The following KCNT2 variants were observed in gnomAD, a reference collection of about 807,000 sequenced individuals.
KCNT2 encodes the protein potassium sodium-activated channel subfamily T member 2.
A neutral mutation model predicts 153.8 loss-of-function variants in KCNT2; 67 were observed. That is an observed-to-expected ratio of 0.44 (90% CI 0.36 to 0.53). KCNT2 has a LOEUF of 0.53. Among genes scored for constraint, KCNT2 ranks in the 20% least tolerant of loss-of-function variants. The probability of loss-of-function intolerance (pLI) is 0.00; values close to 1 mark genes in which losing one functional copy is unlikely to be tolerated. For synonymous variants in KCNT2, 500 were observed against 458.8 expected, an observed-to-expected ratio of 1.09 and a Z score of -1.15; for missense variants, 975 against 1,354.8, an observed-to-expected ratio of 0.72 and a Z score of 4.40.
intron 13 of KCNT2, among the ~76,000 whole-genome samples, chr1:196,383,900 G>A (rs986870111): frequency 2.0e-5 from 3 of 152,112 alleles, no homozygotes; most frequent in African/African-American, 7.2e-5. Flanking sequence ...TCTTTGGCCA[G>A]CTATACCTTG....
chr1:196,449,461 T>A (rs76846471), intron 8 of KCNT2, among the ~76,000 whole-genome samples: 3,121 of 151,762 alleles, frequency 0.021, 103 homozygotes, highest in African/African-American at 0.071. Flanking sequence ...ATACTCTATA[T>A]AATATTTGCA....
chr1:196,589,554 A>G (rs765491113), intron 1 of KCNT2, among the ~76,000 whole-genome samples: 2 of 152,076 alleles, frequency 1.3e-5, no homozygotes, highest in Non-Finnish European at 2.9e-5. Context: ...AGTTTACCAA[A>G]CCAAAAACCA....
intron 1 of KCNT2, among the ~76,000 whole-genome samples, chr1:196,561,351 T>C (rs532102827): frequency 2.6e-5 from 4 of 151,526 alleles, no homozygotes; most frequent in African/African-American, 9.7e-5. Flanking sequence ...TCCTAACTAA[T>C]AAAGGGTTCA....
rs115796493 is a variant in KCNT2 at position 196,361,628 on chromosome 1, G to A, written c.1403+11512C>T. Among the ~76,000 whole-genome samples the A allele has an allele frequency of 3.6e-3, 548 of 152,132 alleles. 3 individuals are homozygous for A. Among genetic ancestry groups the A allele is most frequent in the African/African-American group, 0.012 (511 of 41,514 alleles). On this transcript the variant is annotated intron_variant, in intron 14 of 27. Transcript: ENST00000294725. ...ATGAGTCATGGACCCATTGATAAAGGGCGCTTCCCCACTTTGCTGCAGTCA... is the reference window on the plus strand; with the variant it reads ...ATGAGTCATGGACCCATTGATAAAGAGCGCTTCCCCACTTTGCTGCAGTCA...
chr1:196,293,958 TA>T (rs1660441139), intron 22 of KCNT2, among the ~76,000 whole-genome samples: 1 of 150,764 alleles, frequency 6.6e-6, no homozygotes, highest in East Asian at 1.9e-4. Flanking sequence ...ATACATTTGA[TA>T]GGGGGCTCAT....
intron 1 of KCNT2, among the ~76,000 whole-genome samples, chr1:196,571,325 C>G (rs1211494625): frequency 2.0e-5 from 3 of 152,070 alleles, no homozygotes; most frequent in Non-Finnish European, 2.9e-5. Flanking sequence ...ATTCCCCAAA[C>G]TTTTCTGTGC....
chr1:196,566,397 T>C (rs1204665716), intron 1 of KCNT2, among the ~76,000 whole-genome samples: 1 of 152,022 alleles, frequency 6.6e-6, no homozygotes, highest in Non-Finnish European at 1.5e-5. Flanking sequence ...TTTTCAGTCA[T>C]GAAGAAGGAA....
At chr1:196,292,768 C>A (rs1331427081) in intron 22 of KCNT2, among the ~76,000 whole-genome samples, 1 of 137,468 alleles carries the variant, frequency 7.3e-6, no homozygotes, top group Non-Finnish European at 1.5e-5. Context: ...GTGGAGATTG[C>A]GCCACTGCAC....
intron 1 of KCNT2, among the ~76,000 whole-genome samples, chr1:196,571,024 A>G (rs1321621300): frequency 6.6e-6 from 1 of 152,082 alleles, no homozygotes; most frequent in African/African-American, 2.4e-5. Flanking sequence ...TACCTATATT[A>G]GTTCATCTTC....
chr1:196,540,929 G>C (rs1322275947), intron 1 of KCNT2, among the ~76,000 whole-genome samples: 1 of 151,918 alleles, frequency 6.6e-6, no homozygotes, highest in East Asian at 1.9e-4. Context: ...AGCCAGGCGT[G>C]GTGGCGGGCG....
intron 27 of KCNT2, among the ~76,000 whole-genome samples, chr1:196,235,416 A>G (rs1210820893): frequency 6.6e-6 from 1 of 151,490 alleles, no homozygotes; most frequent in African/African-American, 2.4e-5. Flanking sequence ...TATTAGTGAC[A>G]AAGTGCTATT....
intron 26 of KCNT2, among the ~76,000 whole-genome samples, chr1:196,255,129 G>A (rs758796072): frequency 2.6e-5 from 4 of 151,536 alleles, no homozygotes; most frequent in Admixed American, 1.3e-4. Context: ...GTTCGTGAGC[G>A]TGAGAGTCAG....
At chr1:196,539,326 C>T (rs1225366269) in intron 1 of KCNT2, among the ~76,000 whole-genome samples, 5 of 152,124 alleles carry the variant, frequency 3.3e-5, no homozygotes, top group Admixed American at 3.3e-4. Context: ...GCTGGGAATA[C>T]AGTGCCCTCA....
At chr1:196,374,023 A>G (rs1668743958) in intron 13 of KCNT2, among the ~76,000 whole-genome samples, 1 of 152,036 alleles carries the variant, frequency 6.6e-6, no homozygotes, top group East Asian at 1.9e-4. Context: ...TGCAGGAATG[A>G]GGGCTCAGAT....
At chr1:196,384,030 T>A (rs1038840435) in intron 13 of KCNT2, among the ~76,000 whole-genome samples, 1 of 152,194 alleles carries the variant, frequency 6.6e-6, no homozygotes, top group Non-Finnish European at 1.5e-5. Flanking sequence ...ACCTTTAATA[T>A]TCTAACCACA....
At chr1:196,351,355 T>G (rs1224079178) in intron 14 of KCNT2, among the ~76,000 whole-genome samples, 1 of 152,198 alleles carries the variant, frequency 6.6e-6, no homozygotes, top group Non-Finnish European at 1.5e-5. Flanking sequence ...GCTCTTCCAT[T>G]TGTTGGTATC....
At chr1:196,434,030 T>C (rs1244766720) in intron 8 of KCNT2, among the ~76,000 whole-genome samples, 1 of 152,064 alleles carries the variant, frequency 6.6e-6, no homozygotes, top group Non-Finnish European at 1.5e-5. Flanking sequence ...GTTTTATGCT[T>C]ACAAATTTTG....
At chr1:196,338,425 T>C (rs957316325) in intron 16 of KCNT2, among the ~76,000 whole-genome samples, 5 of 152,082 alleles carry the variant, frequency 3.3e-5, no homozygotes, top group African/African-American at 1.2e-4. Flanking sequence ...ACTAGGATAC[T>C]GCAGAGTAAA....
intron 1 of KCNT2, among the ~76,000 whole-genome samples, chr1:196,597,258 C>A (rs1460468642): frequency 6.9e-6 from 1 of 145,372 alleles, no homozygotes; most frequent in Non-Finnish European, 1.5e-5. Context: ...TTAATCAAAG[C>A]CACCTACACT....
Sources: gnomAD v4.1 joint callset for allele counts (sites outside exome capture counted in the v4.1 genomes callset) on GRCh38, gnomAD v4.1.1 for gene constraint, MANE v1.5 for transcripts, NCBI Gene and HGNC (gene_info 2026-07-23, HGNC 2026-07-21) for gene names.